EPN3: variants seen among roughly 807,000 people sequenced by gnomAD.
EPN3 encodes the protein epsin 3.
EPN3 carries 56 observed loss-of-function variants against 55.5 expected under a neutral mutation model. That is an observed-to-expected ratio of 1.01 (90% CI 0.81 to 1.26). EPN3 has a LOEUF of 1.26. Among genes scored for constraint, EPN3 ranks in the 50% most tolerant of loss-of-function variants. The pLI is 0.00. For missense variants in EPN3, 927 were observed against 853.4 expected, an observed-to-expected ratio of 1.09 and a Z score of -1.07; for synonymous variants, 449 against 375.2, an observed-to-expected ratio of 1.20 and a Z score of -2.27.
rs368881738 is a variant in EPN3 at position 50,537,988 on chromosome 17, A to G, written c.563-91A>G. ...CAACGGCCGTTGTTCCCCTCCTCTC[A>G]GTTCTCTTGAGCCTCAGCTTCCTGG... On this transcript the variant is annotated intron_variant, in intron 2 of 9. Coordinates refer to ENST00000268933, the MANE Select transcript of EPN3 (RefSeq NM_017957.3). The G allele has an allele frequency of 3.2e-4, 344 of 1,077,832 alleles. 7 individuals carry two copies. In the East Asian group the frequency reaches 5.8e-3, roughly 18 times the overall value. The allele number at this position is 1,077,832 out of a possible 1,614,324, so 66.8% of individuals were successfully genotyped here. A position where few individuals can be genotyped will look rare whatever the true frequency, so the allele number is the denominator to read the frequency against.
intron 1 of EPN3, chr17:50,534,475 G>A (rs574684400): frequency 2.0e-6 from 2 of 985,530 alleles, no homozygotes; most frequent in Non-Finnish European, 2.4e-6. Context: ...TGTGCTGGGC[G>A]GGCTTTGGTG....
rs1351839253 is a variant in EPN3 at position 50,536,874 on chromosome 17, C to T, written c.318C>T (p.Leu106=). 4 of 1,614,170 alleles carry T rather than the reference C, an allele frequency of 2.5e-6. No homozygotes were observed. The highest frequency in any genetic ancestry group is 1.7e-5 in the Admixed American group (1 of 60,032). The change falls in exon 2 of 10, where the codon CTC becomes CTT. Residue 106 remains leucine (L), a synonymous_variant. Coordinates refer to ENST00000268933, the MANE Select transcript of EPN3 (RefSeq NM_017957.3). The part of the protein sequence containing the change: ...CRENLYTIQT[L]KDFQYIDRDG... ...AGAACCTCTACACCATCCAGACACT[C>T]AAGGACTTCCAGTACATCGACCGCG...
In EPN3 at chr17:50,534,595, G is replaced by A. The variant is rs114331964; in HGVS notation, c.-137+1610G>A. 2,920 of 985,470 alleles carry A rather than the reference G, an allele frequency of 3.0e-3. 68 individuals are homozygous for A. In the African/African-American group the frequency reaches 0.047, roughly 16 times the overall value. 61.0% of individuals were successfully genotyped at this position (985,470 alleles called of 1,614,324 possible). A position where few individuals can be genotyped will look rare whatever the true frequency, so the allele number is the denominator to read the frequency against. Reference sequence around the variant, plus strand: ...GGCAGGAGTTAAACAAGTTGTGGCCGTGGCATTCCCACAGAAGGCCCACGA... The same window carrying A: ...GGCAGGAGTTAAACAAGTTGTGGCCATGGCATTCCCACAGAAGGCCCACGA... On this transcript the variant is annotated intron_variant, in intron 1 of 9. Transcript: ENST00000268933.
At position 50,541,050 on chromosome 17, in the gene EPN3, T is replaced by G; in HGVS notation, c.1237T>G (p.Ser413Ala). The G allele has an allele frequency of 3.2e-6, 5 of 1,579,654 alleles. No individual in the cohort carries two copies. The highest frequency in any genetic ancestry group is 4.3e-6 in the Non-Finnish European group (5 of 1,163,546). ...CCCTTGGGGAGCCTCCCTGGAGACC[T>G]CCGACACACCTGGTAAGAAGAGGGC... is the stretch of plus-strand genomic sequence containing the variant. ...ADPWGASLET[S>A]DTPGGASTFD... Residue 413 changes from serine to alanine, a missense_variant, in exon 7 of 10, where the codon TCC becomes GCC. Transcript: ENST00000268933.
At position 50,539,213 on chromosome 17, in the gene EPN3, CT is replaced by C. The variant is rs1193216150; in HGVS notation, c.790del (p.Ser264ProfsTer30). Reference sequence around the variant, plus strand: ...AGGTGAGGTCCTGGCAGGGTGATGGCTCCCCCATGGCCAATGGTGCAGGGGC... The same window carrying C: ...AGGTGAGGTCCTGGCAGGGTGATGGCCCCCCATGGCCAATGGTGCAGGGGC... Reference protein sequence around the residue: ...KEVRSWQGDGSPMANGAGAVV... With the variant: ...KEVRSWQGDGXPMANGAGAVV... On this transcript the variant is annotated frameshift_variant, in exon 5 of 10. Transcript: ENST00000268933. LOFTEE classifies it high-confidence loss of function. The C allele has an allele frequency of 6.2e-7, 1 of 1,614,108 alleles. No homozygotes were observed. The highest frequency in any genetic ancestry group is 8.5e-7 in the Non-Finnish European group (1 of 1,180,008).
Position 50,539,324 on chromosome 17 carries a change from T to A in EPN3, c.891+9T>A. 6.2e-7 allele frequency: 1 copy of A among 1,613,452 alleles called. No homozygotes were observed. The highest frequency in any genetic ancestry group is 8.5e-7 in the Non-Finnish European group (1 of 1,179,832). On this transcript the variant is annotated intron_variant, in intron 5 of 9. Transcript: ENST00000268933. ...AGCTAAAAACCAGCCAGGTAGGGAG[T>A]GGGCTGCGGTGCTTGGGATGGACAG...
chr17:50,540,202 A>T, intron 5 of EPN3, 45 bp from the exon 6 acceptor site: 1 of 1,544,532 alleles, frequency 6.5e-7, no homozygotes, highest in Non-Finnish European at 8.9e-7. Flanking sequence ...CCCTCCCTCC[A>T]GGCCCCGCCC....
chr17:50,541,752 G>A lies in EPN3; in HGVS notation c.1585+58G>A, dbSNP rs533127056. On this transcript the variant is annotated intron_variant, in intron 9 of 9. Coordinates refer to ENST00000268933, the MANE Select transcript of EPN3 (RefSeq NM_017957.3). ...CTCCTGCTTTCAGAGCCTAGCCTCC[G>A]CCGGAGGAGCCCACTCTTCTTCCCA... 20 of 1,606,662 alleles carry A rather than the reference G, an allele frequency of 1.2e-5. No homozygotes were observed. In the South Asian group the frequency reaches 2.2e-4, roughly 18 times the overall value.
In EPN3 at chr17:50,538,426, C is replaced by T. The variant is rs186596261; in HGVS notation, c.681+229C>T. ...AGGGTGGCGAGTGTACAATTAGGGG[C>T]ACATGCTATGTCTTGGGGTGCCTGC... On this transcript the variant is annotated intron_variant, in intron 3 of 9. Transcript: ENST00000268933. The T allele has an allele frequency of 2.3e-4, 130 of 562,532 alleles. 4 individuals are homozygous for T. Among genetic ancestry groups the T allele is most frequent in the East Asian group, 2.1e-3 (72 of 33,904 alleles). 34.8% of individuals were successfully genotyped at this position (562,532 alleles called of 1,614,324 possible). A position where few individuals can be genotyped will look rare whatever the true frequency, so the allele number is the denominator to read the frequency against.
At chr17:50,535,891 G>C (rs1158967599) in intron 1 of EPN3, 1 of 152,378 alleles carries the variant, frequency 6.6e-6, no homozygotes, top group Non-Finnish European at 1.5e-5. Flanking sequence ...CCGAGCAGAA[G>C]CAAGGCAAGC....
Position 50,532,755 on chromosome 17 carries a change from C to T in EPN3, c.-367C>T. The T allele has an allele frequency of 3.5e-6, 2 of 565,974 alleles. No homozygotes were observed. The highest frequency in any genetic ancestry group is 5.5e-6 in the Non-Finnish European group (2 of 361,566). 35.1% of individuals were successfully genotyped at this position (565,974 alleles called of 1,614,324 possible). A position where few individuals can be genotyped will look rare whatever the true frequency, so the allele number is the denominator to read the frequency against. On this transcript the variant is annotated 5_prime_UTR_variant, in exon 1 of 10. Transcript: ENST00000268933. ...TCCTCGGAGTGCTGCCTGGCGCTGG[C>T]TAGGAGGCAAACGCACGCGGGAAGA...
rs201677138 is a variant in EPN3, at chr17:50,540,813, G to T, written c.1000G>T (p.Ala334Ser). Residue 334 changes from alanine (A) to serine (S), a missense_variant, in exon 7 of 10, where the codon GCC becomes TCC. Physicochemically the swap from Ala to Ser is moderately conservative, Grantham distance 99 (BLOSUM62 1). Coordinates refer to ENST00000268933, the MANE Select transcript of EPN3 (RefSeq NM_017957.3). Reference protein sequence around the residue: ...DIPGFRPNTEASGSSWGPSAD... With the variant: ...DIPGFRPNTESSGSSWGPSAD... ...TTCAGGTTTTAGGCCGAACACAGAG[G>T]CCAGTGGATCCTCCTGGGGGCCTTC... 69 of 1,611,886 alleles carry T rather than the reference G, an allele frequency of 4.3e-5. No individual in the cohort carries two copies. In the South Asian group the frequency reaches 7.3e-4, roughly 17 times the overall value.
intron 2 of EPN3, 102 bp from the exon 3 acceptor site, chr17:50,537,977 C>A (rs908199416): frequency 2.0e-6 from 2 of 986,038 alleles, no homozygotes; most frequent in Non-Finnish European, 3.1e-6. Flanking sequence ...GGCCGTTGTT[C>A]CCCTCCTCTC....
chr17:50,536,731 A>G lies in EPN3; in HGVS notation c.175A>G (p.Met59Val). ...AGTGGCCTTCACCGAAGTCATGGGC[A>G]TGCTGTGGCGGCGGCTCAATGACAG... ...NTVAFTEVMG[M>V]LWRRLNDSGK... Residue 59 changes from methionine (M) to valine (V), a missense_variant, in exon 2 of 10, where the codon ATG becomes GTG. Met to Val is a conservative substitution (Grantham distance 21). Transcript: ENST00000268933. 2 of 1,614,134 alleles carry G rather than the reference A, an allele frequency of 1.2e-6. No individual in the cohort carries two copies. The highest frequency in any genetic ancestry group is 1.7e-6 in the Non-Finnish European group (2 of 1,180,014).
intron 1 of EPN3, chr17:50,534,487 A>G: frequency 1.0e-6 from 1 of 985,462 alleles, no homozygotes; most frequent in East Asian, 1.1e-4. Flanking sequence ...GCTTTGGTGC[A>G]CATTATTTCC....
chr17:50,538,139 G>A lies in EPN3; in HGVS notation c.623G>A (p.Gly208Glu). ...GAGCAGGCCCGGCCTCAGACGTCAGGGGAAGAGGAACTGCAGCTGCAGCTG... is the reference window on the plus strand; with the variant it reads ...GAGCAGGCCCGGCCTCAGACGTCAGAGGAAGAGGAACTGCAGCTGCAGCTG... ...DLEQARPQTS[G>E]EEELQLQLAL... The change falls in exon 3 of 10, where the codon GGG becomes GAG. Residue 208 changes from glycine (G) to glutamate (E), a missense_variant. Physicochemically the swap from Gly to Glu is moderately conservative, Grantham distance 98. Coordinates refer to ENST00000268933, the MANE Select transcript of EPN3 (RefSeq NM_017957.3). 1 of 1,613,878 alleles carries A rather than the reference G, an allele frequency of 6.2e-7. No individual in the cohort carries two copies. Among genetic ancestry groups the A allele is most frequent in the Non-Finnish European group, 8.5e-7 (1 of 1,180,008 alleles).
In EPN3 at chr17:50,538,149, A is replaced by G; in HGVS notation, c.633A>G (p.Glu211=). ...GGCCTCAGACGTCAGGGGAAGAGGA[A>G]CTGCAGCTGCAGCTGGCCCTCGCCA... ...QARPQTSGEE[E]LQLQLALAMS... The change falls in exon 3 of 10, where the codon GAA becomes GAG. Residue 211 remains glutamate (E), a synonymous_variant. Transcript: ENST00000268933. 1 of 1,613,646 alleles carries G rather than the reference A, an allele frequency of 6.2e-7. No homozygotes were observed. Among genetic ancestry groups the G allele is most frequent in the Non-Finnish European group, 8.5e-7 (1 of 1,179,976 alleles).
In EPN3 at chr17:50,533,000, T is replaced by C. The variant is rs933852637; in HGVS notation, c.-137+15T>C. The C allele has an allele frequency of 1.6e-6, 2 of 1,269,786 alleles. No homozygotes were observed. The highest frequency in any genetic ancestry group is 1.2e-5 in the South Asian group (1 of 80,296). 78.7% of individuals were successfully genotyped at this position (1,269,786 alleles called of 1,614,324 possible). A position where few individuals can be genotyped will look rare whatever the true frequency, so the allele number is the denominator to read the frequency against. On this transcript the variant is annotated intron_variant, in intron 1 of 9. Coordinates refer to ENST00000268933, the MANE Select transcript of EPN3 (RefSeq NM_017957.3). Reference sequence around the variant, plus strand: ...CCGCACTGGAGGTAAGCTTCCTCCCTGGCCCCCTCCCTGGCAGTGGCGGCA... The same window carrying C: ...CCGCACTGGAGGTAAGCTTCCTCCCCGGCCCCCTCCCTGGCAGTGGCGGCA...
At chr17:50,534,547 T>C (rs1321966045) in intron 1 of EPN3, 2 of 985,260 alleles carry the variant, frequency 2.0e-6, no homozygotes, top group Non-Finnish European at 2.4e-6. Context: ...TGAAGGCAGG[T>C]CTGAGTCACT....
Sources: gnomAD v4.1 joint callset for allele counts on GRCh38, gnomAD v4.1.1 for gene constraint, MANE v1.5 for transcripts, NCBI Gene and HGNC (gene_info 2026-07-23, HGNC 2026-07-21) for gene names.